ADCY7: variants seen among roughly 807,000 people sequenced by gnomAD.
ADCY7 encodes the protein adenylate cyclase 7.
In ADCY7, 72 loss-of-function variants were observed where a neutral mutation model predicts 120.6. The observed-to-expected ratio is 0.60, with a 90% CI of 0.49 to 0.73. The LOEUF (loss-of-function observed/expected upper bound fraction) is 0.73, where lower values mean the gene tolerates loss of function less well. ADCY7 is among the 30% of genes least tolerant of loss of function. The pLI, the probability that ADCY7 is intolerant of heterozygous loss-of-function variation, is 0.00. For synonymous variants in ADCY7, 661 were observed against 628.0 expected (o/e 1.05, Z -0.78); for missense variants, 1,227 against 1,486.0 (o/e 0.83, Z 2.87).
chr16:50,296,823 C>A (rs1168710165), intron 7 of ADCY7, among the ~76,000 whole-genome samples: 3 of 152,204 alleles, frequency 2.0e-5, no homozygotes, highest in Non-Finnish European at 4.4e-5. Flanking sequence ...GGTAACCAAG[C>A]TTCTACAGGA....
intron 11 of ADCY7, 89 bp downstream of exon 11, chr16:50,304,640 G>C: frequency 7.5e-7 from 1 of 1,329,294 alleles, no homozygotes; most frequent in East Asian, 2.4e-5. Context: ...TGCCCTCTCA[G>C]CCTCACTGTC....
chr16:50,273,956 A>G (rs1022482339), intron 1 of ADCY7, among the ~76,000 whole-genome samples: 3 of 152,162 alleles, frequency 2.0e-5, no homozygotes, highest in Admixed American at 2.0e-4. Context: ...AAGCTAAGGA[A>G]CAAGGCCAGA....
chr16:50,280,452 C>G (rs2150897611), intron 1 of ADCY7, among the ~76,000 whole-genome samples: 1 of 149,488 alleles, frequency 6.7e-6, no homozygotes, highest in Non-Finnish European at 1.5e-5. Flanking sequence ...CAGTTCAGCT[C>G]TGATTTTTGT....
rs371669328 is a variant in ADCY7, at chr16:50,313,095, C to G, written c.2751+59C>G. ...CCCACCCATGCTGGAGAGGGAAGGGCGGTGGCACCTGCCATCCTAAAACCC... is the reference window on the plus strand; with the variant it reads ...CCCACCCATGCTGGAGAGGGAAGGGGGGTGGCACCTGCCATCCTAAAACCC... On this transcript the variant is annotated intron_variant, in intron 22 of 25. Coordinates refer to ENST00000673801, the MANE Select transcript of ADCY7 (RefSeq NM_001114.5). The G allele has an allele frequency of 2.0e-5, 32 of 1,597,802 alleles. No homozygotes were observed. The African/African-American group carries it at 2.1e-4, about 11-fold the overall frequency.
chr16:50,290,762 T>G (rs985180673), intron 3 of ADCY7, 102 bp downstream of exon 3: 1 of 1,309,612 alleles, frequency 7.6e-7, no homozygotes. Context: ...CGCTTGGCTG[T>G]GTGTCTAGGA....
In ADCY7 at chr16:50,308,352, G is replaced by T. The variant is rs577711215; in HGVS notation, c.1876G>T (p.Gly626Trp). The change falls in exon 16 of 26, where the codon GGG becomes TGG. Residue 626 changes from glycine to tryptophan, a missense_variant. By Grantham distance (184) the Gly-to-Trp change is radical. Around this residue, in one of 5 missense-constraint regions of ADCY7, gnomAD observed 267 missense variants for 270.0 expected, o/e 0.99. Transcript: ENST00000673801. ...GACGGCGGCACTGGGTGTGTCCTTC[G>T]GGCTGGTGGCCTGTGTACTGGGGCT... is the stretch of plus-strand genomic sequence containing the variant. ...PRTAALGVSF[G>W]LVACVLGLVL... 2.5e-6 allele frequency: 4 copies of T among 1,614,034 alleles called. No individual in the cohort carries two copies. Among genetic ancestry groups the T allele is most frequent in the Admixed American group, 3.3e-5 (2 of 60,004 alleles).
rs199527146 is a variant in ADCY7, at chr16:50,310,727, C to T, written c.2201C>T (p.Ser734Leu). 1.3e-4 allele frequency: 202 copies of T among 1,614,092 alleles called. No homozygotes were observed. In the East Asian group the frequency reaches 2.7e-3, roughly 22 times the overall value. ...CSCVLGFIAC[S>L]VFLRMSLEPK... is the part of the protein sequence containing the mutation. ...TGTGTCCTGGGCTTCATCGCCTGCT[C>T]GGTCTTCCTGAGGATGAGCCTGGAG... Residue 734 changes from serine (S) to leucine (L), a missense_variant, in exon 19 of 26, where the codon TCG becomes TTG. By Grantham distance (145) the Ser-to-Leu change is moderately radical. Transcript: ENST00000673801.
chr16:50,298,589 C>T (rs1475340978), intron 7 of ADCY7, among the ~76,000 whole-genome samples: 9 of 152,244 alleles, frequency 5.9e-5, no homozygotes, highest in Non-Finnish European at 1.3e-4. Flanking sequence ...GTCCCCTTGC[C>T]TGGCCTGGGG....
At chr16:50,305,435 C>A in intron 12 of ADCY7, 68 bp from the exon 13 acceptor site, 1 of 1,419,906 alleles carries the variant, frequency 7.0e-7, no homozygotes, top group Non-Finnish European at 9.9e-7. Flanking sequence ...GTGTCTACGT[C>A]CACACCCTCC....
chr16:50,305,321 C>G (rs1596966364), intron 12 of ADCY7, among the ~76,000 whole-genome samples, 182 bp from the exon 13 acceptor site: 1 of 152,320 alleles, frequency 6.6e-6, no homozygotes, highest in East Asian at 1.9e-4. Flanking sequence ...TGCTGGCCAG[C>G]TGGGCCATGC....
chr16:50,305,962 G>T, intron 14 of ADCY7, 113 bp downstream of exon 14: 1 of 1,057,128 alleles, frequency 9.5e-7, no homozygotes, highest in Non-Finnish European at 1.4e-6. Context: ...CTAGGGGAGG[G>T]GCACTGAGAA....
chr16:50,250,153 G>A (rs2032711381), intron 1 of ADCY7, among the ~76,000 whole-genome samples: 1 of 152,166 alleles, frequency 6.6e-6, no homozygotes, highest in African/African-American at 2.4e-5. Context: ...ACACTGAAGA[G>A]AGGTGACAAC....
chr16:50,263,488 G>A (rs952107550), upstream of ADCY7, among the ~76,000 whole-genome samples: 16 of 152,122 alleles, frequency 1.1e-4, no homozygotes, highest in Admixed American at 9.2e-4. Context: ...ATTATCAAAC[G>A]GCAGGGTTTA....
rs749942233 is a variant in ADCY7 at position 50,308,271 on chromosome 16, C to T, written c.1851-56C>T. 3.2e-5 allele frequency: 52 copies of T among 1,613,782 alleles called. No homozygotes were observed. In the Middle Eastern group the frequency reaches 9.9e-4, roughly 31 times the overall value. ...CTGTGAGCCAGAGGATTGGTGGGGG[C>T]GGTGGTCCTGGGCAGAAGGCCCTAG... On this transcript the variant is annotated intron_variant, in intron 15 of 25. Transcript: ENST00000673801.
chr16:50,317,085 C>CCTGT lies in ADCY7; in HGVS notation c.*1584_*1587dup, dbSNP rs2036836041. ...GGCGGTGGAGGGAACGAAAATTGAA[C>CCTGT]CTGTCTGCCTGTGCTGTGTCGTGTG... On this transcript the variant is annotated 3_prime_UTR_variant, in exon 26 of 26. Coordinates refer to ENST00000673801, the MANE Select transcript of ADCY7 (RefSeq NM_001114.5). 6.5e-6 allele frequency: 1 copy of CCTGT among 152,888 alleles called. No homozygotes were observed. Among genetic ancestry groups the CCTGT allele is most frequent in the Non-Finnish European group, 1.5e-5 (1 of 68,138 alleles). The allele number at this position is 152,888 out of a possible 1,614,324, so 9.5% of individuals were successfully genotyped here.
In ADCY7 at chr16:50,316,518, TCTTTC is replaced by T. The variant is rs2036806975; in HGVS notation, c.*1018_*1022del. 1 of 152,360 alleles carries T rather than the reference TCTTTC, an allele frequency of 6.6e-6. No homozygotes were observed. The highest frequency in any genetic ancestry group is 2.4e-5 in the African/African-American group (1 of 41,454). 9.4% of individuals were successfully genotyped at this position (152,360 alleles called of 1,614,324 possible). A position where few individuals can be genotyped will look rare whatever the true frequency, so the allele number is the denominator to read the frequency against. On this transcript the variant is annotated 3_prime_UTR_variant, in exon 26 of 26. Transcript: ENST00000673801. ...TTGGACAACCTGTGAGTGCATCTCT[TCTTTC>T]CTTTAGTCTTCACAGCTAACTCTGG...
intron 2 of ADCY7, among the ~76,000 whole-genome samples, chr16:50,289,549 T>C (rs1033180174): frequency 2.0e-5 from 3 of 152,272 alleles, no homozygotes; most frequent in Non-Finnish European, 4.4e-5. Flanking sequence ...CGCTGCAGCC[T>C]CCACCTCCTA....
At chr16:50,245,519 G>T (rs1291021968), upstream of ADCY7, among the ~76,000 whole-genome samples, 1 of 152,008 alleles carries the variant, frequency 6.6e-6, no homozygotes, top group Non-Finnish European at 1.5e-5. Flanking sequence ...TTTTTTTTCT[G>T]CCAACACTGG....
In ADCY7 at chr16:50,298,988, C is replaced by T. The variant is rs557242430; in HGVS notation, c.1033C>T (p.Arg345Trp). The T allele has an allele frequency of 4.5e-5, 73 of 1,613,240 alleles. No homozygotes were observed. Among genetic ancestry groups the T allele is most frequent in the Middle Eastern group, 1.6e-4 (1 of 6,062 alleles). The change falls in exon 8 of 26, where the codon CGG becomes TGG. Residue 345 changes from arginine (R) to tryptophan (W), a missense_variant. Physicochemically the swap from Arg to Trp is moderately radical, Grantham distance 101. Around this residue, in one of 5 missense-constraint regions of ADCY7, gnomAD observed 332 missense variants for 455.8 expected, o/e 0.73. Coordinates refer to ENST00000673801, the MANE Select transcript of ADCY7 (RefSeq NM_001114.5). The part of the protein sequence containing the change: ...GLPVSLPTHA[R>W]NCVKMGLDMC... ...GCCCGTGTCGCTGCCTACCCACGCC[C>T]GGAACTGCGTGAAGATGGGGCTGGA...
Sources: gnomAD v4.1 joint callset for allele counts (sites outside exome capture counted in the v4.1 genomes callset) on GRCh38, gnomAD v4.1.1 for gene constraint, gnomAD v4.1.1 regional missense constraint, MANE v1.5 for transcripts, NCBI Gene and HGNC (gene_info 2026-07-23, HGNC 2026-07-21) for gene names.